KCNH7: variants seen among roughly 807,000 people sequenced by gnomAD.
The protein encoded by KCNH7 is voltage-gated inwardly rectifying potassium channel KCNH7.
KCNH7 carries 49 observed loss-of-function variants against 120.8 expected under a neutral mutation model. The ratio of observed to expected loss-of-function variants is 0.41; its 90% CI spans 0.32 to 0.51. The LOEUF (loss-of-function observed/expected upper bound fraction) is 0.51. KCNH7 is among the 20% of genes least tolerant of loss of function. KCNH7 has a pLI of 0.38. For synonymous variants in KCNH7, 547 were observed against 516.1 expected, an observed-to-expected ratio of 1.06 and a Z score of -0.81; for missense variants, 1,097 against 1,446.6, an observed-to-expected ratio of 0.76 and a Z score of 3.92.
At position 162,599,640 on chromosome 2, in the gene KCNH7, CT is replaced by C. The variant is rs564063941; in HGVS notation, c.308-62561del. 7.9e-4 allele frequency among the ~76,000 whole-genome samples: 116 copies of C among 146,442 alleles called. 2 individuals carry two copies. Among genetic ancestry groups the C allele is most frequent in the Middle Eastern group, 7.3e-3 (2 of 274 alleles). On this transcript the variant is annotated intron_variant, in intron 2 of 15. Transcript: ENST00000332142. ...TATTATTTCTATCTACATGTGGTCT[CT>C]TTTTTTTTTACGGTTTTCATTATTT...
intron 2 of KCNH7, among the ~76,000 whole-genome samples, chr2:162,768,532 T>C (rs1476061407): frequency 2.0e-5 from 3 of 152,076 alleles, no homozygotes; most frequent in Non-Finnish European, 2.9e-5. Flanking sequence ...TGAACATGGA[T>C]ATAGGATAGA....
At chr2:162,519,273 TAGA>T in intron 3 of KCNH7, among the ~76,000 whole-genome samples, 1 of 151,942 alleles carries the variant, frequency 6.6e-6, no homozygotes, top group East Asian at 2.0e-4. Flanking sequence ...GATTATCCAT[TAGA>T]AGGAGAATTA....
chr2:162,832,706 A>G lies in KCNH7; in HGVS notation c.307+3831T>C, dbSNP rs966821377. Among the ~76,000 whole-genome samples, 54 of 152,240 alleles carry G rather than the reference A, an allele frequency of 3.5e-4. 1 individual carries two copies. Among genetic ancestry groups the G allele is most frequent in the African/African-American group, 1.2e-3 (49 of 41,560 alleles). ...TCCTACTGTTCTTACAGTGCCTGGT[A>G]CATTACATGAGAGAGAGAGGAGGCA... On this transcript the variant is annotated intron_variant, in intron 2 of 15. Coordinates refer to ENST00000332142, the MANE Select transcript of KCNH7 (RefSeq NM_033272.4).
At chr2:162,399,796 G>T (rs1347363554) in intron 10 of KCNH7, among the ~76,000 whole-genome samples, 3 of 151,888 alleles carry the variant, frequency 2.0e-5, no homozygotes, top group South Asian at 2.1e-4. Flanking sequence ...TCATGACAGG[G>T]CTTTGGCACA....
chr2:162,390,303 A>G (rs1276070535), intron 12 of KCNH7, among the ~76,000 whole-genome samples: 1 of 150,532 alleles, frequency 6.6e-6, no homozygotes, highest in Non-Finnish European at 1.5e-5. Flanking sequence ...TAAATTATGT[A>G]TATACATATG....
chr2:162,681,092 T>C (rs1208413057), intron 2 of KCNH7, among the ~76,000 whole-genome samples: 3 of 151,794 alleles, frequency 2.0e-5, no homozygotes, highest in African/African-American at 7.2e-5. Context: ...GAAAGTTTAT[T>C]GCTCATTTCT....
rs556936444 is a variant in KCNH7 at position 162,616,839 on chromosome 2, A to AT, written c.308-79760dup. On this transcript the variant is annotated intron_variant, in intron 2 of 15. Coordinates refer to ENST00000332142, the MANE Select transcript of KCNH7 (RefSeq NM_033272.4). ...TTATTTCTACTTAAAGATGTACCCT[A>AT]TTTTTTTCTCCAAAATGCCACTTAC... 1.4e-4 allele frequency among the ~76,000 whole-genome samples: 21 copies of AT among 152,200 alleles called. No homozygotes were observed. The South Asian group carries it at 3.3e-3, about 24-fold the overall frequency.
At chr2:162,593,477 A>G (rs985902139) in intron 2 of KCNH7, among the ~76,000 whole-genome samples, 2 of 152,056 alleles carry the variant, frequency 1.3e-5, no homozygotes, top group Non-Finnish European at 2.9e-5. Context: ...ACCCAATTTA[A>G]CATTTGTAGG....
chr2:162,838,719 C>T lies in KCNH7; in HGVS notation c.-201G>A. ...GAGTCCAATCCATTCCCCTCACCTT[C>T]CGGAGGGGGCCTCGCACCGGACTGC... On this transcript the variant is annotated 5_prime_UTR_variant, in exon 1 of 16. Transcript: ENST00000332142. The T allele has an allele frequency of 7.5e-6, 3 of 398,116 alleles. No homozygotes were observed. The East Asian group carries it at 1.2e-4, about 17-fold the overall frequency. 24.7% of individuals were successfully genotyped at this position (398,116 alleles called of 1,614,324 possible).
intron 2 of KCNH7, among the ~76,000 whole-genome samples, chr2:162,812,420 C>T (rs1464037662): frequency 1.3e-5 from 2 of 151,784 alleles, no homozygotes; most frequent in Non-Finnish European, 2.9e-5. Flanking sequence ...GGGTTGTGGA[C>T]AGAAAGAAAG....
At chr2:162,577,348 C>CCTGT (rs1693713849) in intron 2 of KCNH7, among the ~76,000 whole-genome samples, 1 of 131,356 alleles carries the variant, frequency 7.6e-6, no homozygotes, top group Non-Finnish European at 1.7e-5. Context: ...ATCTATCCAT[C>CCTGT]CTATCTATCT....
intron 6 of KCNH7, among the ~76,000 whole-genome samples, chr2:162,459,007 AAATAATAAT>A (rs71009358): frequency 6.2e-4 from 83 of 134,834 alleles, no homozygotes; most frequent in African/African-American, 1.8e-3. Context: ...TTCTGTTTCA[AAATAATAAT>A]AATAATAATA....
At chr2:162,687,910 C>G (rs1359470048) in intron 2 of KCNH7, among the ~76,000 whole-genome samples, 2 of 152,062 alleles carry the variant, frequency 1.3e-5, no homozygotes, top group Admixed American at 1.3e-4. Flanking sequence ...TTAATGTTAT[C>G]AGGCATTTAA....
chr2:162,640,428 A>G (rs1684112438), intron 2 of KCNH7, among the ~76,000 whole-genome samples: 1 of 152,080 alleles, frequency 6.6e-6, no homozygotes, highest in Admixed American at 6.6e-5. Context: ...TTTAAGTTAT[A>G]AAAATGATTC....
intron 2 of KCNH7, among the ~76,000 whole-genome samples, chr2:162,695,694 A>G (rs1686265608): frequency 6.6e-6 from 1 of 152,168 alleles, no homozygotes; most frequent in Non-Finnish European, 1.5e-5. Context: ...CAAGCCAGAT[A>G]TATCTTCAAA....
At chr2:162,594,546 T>C (rs867080302) in intron 2 of KCNH7, among the ~76,000 whole-genome samples, 1 of 151,404 alleles carries the variant, frequency 6.6e-6, no homozygotes, top group African/African-American at 2.4e-5. Flanking sequence ...TGAATAAAGA[T>C]ATAACAGTCA....
At chr2:162,471,413 TG>T (rs1433305988) in intron 6 of KCNH7, among the ~76,000 whole-genome samples, 3 of 152,290 alleles carry the variant, frequency 2.0e-5, no homozygotes, top group African/African-American at 7.2e-5. Flanking sequence ...TATGTATGCT[TG>T]TGCTTGTGTG....
At chr2:162,728,903 G>T (rs567909736) in intron 2 of KCNH7, among the ~76,000 whole-genome samples, 1 of 151,964 alleles carries the variant, frequency 6.6e-6, no homozygotes, top group Non-Finnish European at 1.5e-5. Context: ...ATTTCTCCAA[G>T]ATTTCATGTA....
At chr2:162,589,606 G>T (rs562213332) in intron 2 of KCNH7, among the ~76,000 whole-genome samples, 1 of 152,132 alleles carries the variant, frequency 6.6e-6, no homozygotes, top group African/African-American at 2.4e-5. Flanking sequence ...TGCACAGAAG[G>T]GGTTGAAAGG....
Sources: gnomAD v4.1 joint callset for allele counts (sites outside exome capture counted in the v4.1 genomes callset) on GRCh38, gnomAD v4.1.1 for gene constraint, MANE v1.5 for transcripts, NCBI Gene and HGNC (gene_info 2026-07-23, HGNC 2026-07-21) for gene names.